Variants in GLI2 observed in about 807,000 individuals in gnomAD.
The protein encoded by GLI2 is transcription activator GLI2.
A neutral mutation model predicts 78.9 loss-of-function variants in GLI2; 22 were observed. The ratio of observed to expected loss-of-function variants is 0.28; its 90% confidence interval spans 0.20 to 0.40. GLI2 has a LOEUF of 0.40. Among genes scored for constraint, GLI2 ranks in the 10% least tolerant of loss-of-function variants. GLI2 has a pLI of 1.00. For synonymous variants in GLI2, 974 were observed against 963.7 expected (o/e 1.01, Z -0.20); for missense variants, 2,097 against 2,213.2 (o/e 0.95, Z 1.05).
chr2:120,983,583 C>T (rs1237229005), intron 11 of GLI2, among the ~76,000 whole-genome samples: 2 of 152,178 alleles, frequency 1.3e-5, no homozygotes, highest in Admixed American at 1.3e-4. Context: ...CTGGGCCTGC[C>T]GTGGCTGTCA....
At chr2:120,942,990 A>C (rs1389949431) in intron 3 of GLI2, among the ~76,000 whole-genome samples, 6 of 152,106 alleles carry the variant, frequency 3.9e-5, no homozygotes, top group African/African-American at 1.4e-4. Flanking sequence ...TCATTCATTC[A>C]TTCATTCATT....
intron 3 of GLI2, among the ~76,000 whole-genome samples, chr2:120,932,287 T>G (rs1679980122): frequency 6.6e-6 from 1 of 152,184 alleles, no homozygotes; most frequent in Non-Finnish European, 1.5e-5. Context: ...CCTGCTGCCC[T>G]GAGCTGGTGA....
intron 3 of GLI2, among the ~76,000 whole-genome samples, chr2:120,930,405 G>A (rs1317554154): frequency 6.6e-6 from 1 of 152,220 alleles, no homozygotes; most frequent in Non-Finnish European, 1.5e-5. Context: ...CTAACCCTAT[G>A]GCTCACCCAC....
intron 8 of GLI2, among the ~76,000 whole-genome samples, chr2:120,974,104 C>T (rs561067304): frequency 1.4e-4 from 21 of 152,214 alleles, no homozygotes; most frequent in South Asian, 6.2e-4. Context: ...GTTTGAAGTG[C>T]GAAGCAATCT....
At chr2:120,741,169 C>T (rs1355983603) in intron 1 of GLI2, among the ~76,000 whole-genome samples, 1 of 152,176 alleles carries the variant, frequency 6.6e-6, no homozygotes, top group African/African-American at 2.4e-5. Context: ...AAGTATCTCC[C>T]TTCCTCCAGA....
rs1279350957 is a variant in GLI2 at position 120,753,867 on chromosome 2, G to C, written c.-31+17582G>C. Among the ~76,000 whole-genome samples, 8 of 146,312 alleles carry C rather than the reference G, an allele frequency of 5.5e-5. 1 individual carries two copies. In the East Asian group the frequency reaches 1.5e-3, roughly 27 times the overall value. The stretch of plus-strand genomic sequence containing the variant: ...GATCTTGGCTCACGCGGTGAGCCGA[G>C]ATCGCGCCACTGCACTCCAGCCTGG... On this transcript the variant is annotated intron_variant, in intron 1 of 13. Coordinates refer to ENST00000361492, the MANE Select transcript of GLI2 (RefSeq NM_001374353.1).
chr2:120,888,501 C>T (rs1558859700), intron 2 of GLI2, among the ~76,000 whole-genome samples: 6 of 152,132 alleles, frequency 3.9e-5, no homozygotes, highest in Admixed American at 3.9e-4. Context: ...ACAGGAGAGA[C>T]CCTGTGCAGT....
intron 2 of GLI2, among the ~76,000 whole-genome samples, chr2:120,925,619 T>C (rs1203578338): frequency 3.3e-5 from 5 of 152,200 alleles, no homozygotes; most frequent in Admixed American, 1.3e-4. Context: ...GGGAAATTCA[T>C]AGAGGCAGGA....
chr2:120,939,160 T>C (rs1680334718), intron 3 of GLI2, among the ~76,000 whole-genome samples: 1 of 152,042 alleles, frequency 6.6e-6, no homozygotes, highest in Non-Finnish European at 1.5e-5. Flanking sequence ...TGGGCACCTG[T>C]AATCCCAGCT....
rs572309962 is a variant in GLI2 at position 120,866,525 on chromosome 2, A to T, written c.149-60836A>T. The T allele has an allele frequency of 2.6e-5, 4 of 152,358 alleles. No individual in the cohort carries two copies. The East Asian group carries it at 7.7e-4, about 29-fold the overall frequency. 9.4% of individuals were successfully genotyped at this position (152,358 alleles called of 1,614,324 possible). On this transcript the variant is annotated intron_variant, in intron 2 of 13. Transcript: ENST00000361492. ...GATGCAAAAGAAGGTATAGAATGCC[A>T]TTGGGGTGACAAAGAGTGATGACGA...
intron 2 of GLI2, among the ~76,000 whole-genome samples, chr2:120,894,670 C>T (rs1677855661): frequency 6.8e-6 from 1 of 147,394 alleles, no homozygotes; most frequent in South Asian, 2.2e-4. Context: ...TCCATTTTAC[C>T]TCTTTCCTCC....
At chr2:120,824,227 G>A (rs1462292903) in intron 2 of GLI2, among the ~76,000 whole-genome samples, 1 of 152,220 alleles carries the variant, frequency 6.6e-6, no homozygotes, top group East Asian at 1.9e-4. Flanking sequence ...AAGACCCTGT[G>A]AAGGCTGTTG....
intron 2 of GLI2, among the ~76,000 whole-genome samples, chr2:120,860,135 A>G (rs1687839255): frequency 6.6e-6 from 1 of 152,180 alleles, no homozygotes; most frequent in Non-Finnish European, 1.5e-5. Context: ...GAAGGGGACC[A>G]AGGAGAGTGC....
At chr2:120,969,886 A>G (rs1015969073) in intron 6 of GLI2, among the ~76,000 whole-genome samples, 1 of 152,228 alleles carries the variant, frequency 6.6e-6, no homozygotes, top group Non-Finnish European at 1.5e-5. Flanking sequence ...CACAGGGGTC[A>G]CCAATCTTTC....
intron 2 of GLI2, among the ~76,000 whole-genome samples, chr2:120,915,148 T>C (rs1679029364): frequency 6.6e-6 from 1 of 152,178 alleles, no homozygotes; most frequent in African/African-American, 2.4e-5. Context: ...GTGGAGTGGC[T>C]GTGCTGGCCC....
intron 2 of GLI2, among the ~76,000 whole-genome samples, chr2:120,840,646 T>C (rs1229923404): frequency 6.6e-6 from 1 of 152,234 alleles, no homozygotes; most frequent in African/African-American, 2.4e-5. Flanking sequence ...GGCAAGCATG[T>C]GGCTACAAAC....
intron 4 of GLI2, chr2:120,951,671 A>G (rs1681000914): frequency 3.8e-6 from 2 of 529,792 alleles, no homozygotes; most frequent in African/African-American, 1.9e-5. Context: ...TATATGATCT[A>G]TTGTAATAAT....
chr2:120,844,217 C>T (rs1687011057), intron 2 of GLI2, among the ~76,000 whole-genome samples: 1 of 152,218 alleles, frequency 6.6e-6, no homozygotes, highest in African/African-American at 2.4e-5. Flanking sequence ...TCTGTCACAA[C>T]TACTCTCCTC....
intron 1 of GLI2, among the ~76,000 whole-genome samples, chr2:120,743,864 G>T (rs960397897): frequency 6.6e-6 from 1 of 152,230 alleles, no homozygotes; most frequent in Non-Finnish European, 1.5e-5. Flanking sequence ...ACAGCGGGTA[G>T]GGTGGGAAGA....
Sources: gnomAD v4.1 joint callset for allele counts (sites outside exome capture counted in the v4.1 genomes callset) on GRCh38, gnomAD v4.1.1 for gene constraint, MANE v1.5 for transcripts, NCBI Gene and HGNC (gene_info 2026-07-23, HGNC 2026-07-21) for gene names.